The following ARL5B variants were observed in gnomAD, a reference collection of about 807,000 sequenced individuals.
ARL5B encodes the protein ADP-ribosylation factor-like protein 5B.
Under a neutral mutation model 26.9 loss-of-function variants are expected in ARL5B, and 10 were observed. The observed-to-expected ratio is 0.37, with a 90% CI of 0.23 to 0.63. The LOEUF is 0.63. Ranked by LOEUF, ARL5B falls within the 30% of genes least tolerant of loss-of-function variation. The probability of loss-of-function intolerance (pLI) is 0.62; values close to 1 mark genes in which losing one functional copy is unlikely to be tolerated. For synonymous variants in ARL5B, 87 were observed against 70.4 expected, an observed-to-expected ratio of 1.24 and a Z score of -1.18; for missense variants, 167 against 213.9, an observed-to-expected ratio of 0.78 and a Z score of 1.37.
rs758389880 is a variant in ARL5B, at chr10:18,674,010, C to T, written c.366C>T (p.Ile122=). The T allele has an allele frequency of 2.4e-5, 38 of 1,610,866 alleles. No individual in the cohort carries two copies. In the South Asian group the frequency reaches 4.1e-4, roughly 17 times the overall value. The change falls in exon 5 of 6, where the codon ATC becomes ATT. Residue 122 remains isoleucine, a synonymous_variant. Coordinates refer to ENST00000377275, the MANE Select transcript of ARL5B (RefSeq NM_178815.5). The part of the protein sequence containing the change: ...HEDLRKAAVL[I]FANKQDMKGC... ...ATTTACGGAAGGCTGCAGTCCTTAT[C>T]TTTGCAAATAAACAGGATATGAAAG...
rs1171691845 is a variant in ARL5B at position 18,670,340 on chromosome 10, G to A, written c.255+1663G>A. Reference sequence around the variant, plus strand: ...GAAAGTAAGGGAAGGGCCAGGCGCAGTGGCTCACTTCTGTAATCCCAGCAC... The same window carrying A: ...GAAAGTAAGGGAAGGGCCAGGCGCAATGGCTCACTTCTGTAATCCCAGCAC... On this transcript the variant is annotated intron_variant, in intron 3 of 5. Coordinates refer to ENST00000377275, the MANE Select transcript of ARL5B (RefSeq NM_178815.5). Among the ~76,000 whole-genome samples the A allele has an allele frequency of 2.0e-5, 3 of 152,202 alleles. No individual in the cohort carries two copies. The East Asian group carries it at 5.8e-4, about 29-fold the overall frequency.
intron 4 of ARL5B, 137 bp from the exon 5 acceptor site, chr10:18,673,847 G>A (rs1021256835): frequency 4.4e-5 from 26 of 596,320 alleles, no homozygotes; most frequent in African/African-American, 1.4e-4. Context: ...ATGAAATTAC[G>A]GGTATTTGAG....
chr10:18,666,934 C>A (rs917424507), intron 2 of ARL5B, among the ~76,000 whole-genome samples: 1 of 152,120 alleles, frequency 6.6e-6, no homozygotes, highest in Non-Finnish European at 1.5e-5. Context: ...TTAGTTCTTA[C>A]CCCACTTGGG....
At chr10:18,659,777 G>T in intron 1 of ARL5B, 94 bp downstream of exon 1, 1 of 1,559,650 alleles carries the variant, frequency 6.4e-7, no homozygotes, top group South Asian at 1.2e-5. Flanking sequence ...AGCGTTCGGA[G>T]ACGCGGAGGA....
At position 18,659,671 on chromosome 10, in the gene ARL5B, T is replaced by C; in HGVS notation, c.34T>C (p.Phe12Leu). The C allele has an allele frequency of 2.5e-6, 4 of 1,613,304 alleles. No homozygotes were observed. The highest frequency in any genetic ancestry group is 3.4e-6 in the Non-Finnish European group (4 of 1,179,710). Reference sequence around the variant, plus strand: ...GATCTTCGCCAAACTGTGGAGCCTCTTCTGTAACCAAGGTGAGAAGAATGG... The same window carrying C: ...GATCTTCGCCAAACTGTGGAGCCTCCTCTGTAACCAAGGTGAGAAGAATGG... ...GLIFAKLWSL[F>L]CNQEHKVIIV... Residue 12 changes from phenylalanine to leucine, a missense_variant, in exon 1 of 6, where the codon TTC becomes CTC. By Grantham distance (22) the Phe-to-Leu change is conservative. Transcript: ENST00000377275.
intron 1 of ARL5B, chr10:18,660,020 A>T: frequency 1.2e-6 from 1 of 867,720 alleles, no homozygotes; most frequent in Non-Finnish European, 1.4e-6. Context: ...GCTTGTGTCT[A>T]TGTGTATCCC....
In ARL5B at chr10:18,681,309, C is replaced by A. The variant is rs1410110448; in HGVS notation, c.*6093C>A. On this transcript the variant is annotated 3_prime_UTR_variant, in exon 6 of 6. Coordinates refer to ENST00000377275, the MANE Select transcript of ARL5B (RefSeq NM_178815.5). ...AATTAATGCATTCACATGATCACTTCTTGAAAATGGTTCAAAGCATGTTTT... is the reference window on the plus strand; with the variant it reads ...AATTAATGCATTCACATGATCACTTATTGAAAATGGTTCAAAGCATGTTTT... 2 of 152,204 alleles carry A rather than the reference C, an allele frequency of 1.3e-5. No homozygotes were observed. The highest frequency in any genetic ancestry group is 6.5e-5 in the Admixed American group (1 of 15,278). The allele number at this position is 152,204 out of a possible 1,614,324, so 9.4% of individuals were successfully genotyped here.
In ARL5B at chr10:18,676,809, T is replaced by G. The variant is rs557694096; in HGVS notation, c.*1593T>G. The G allele has an allele frequency of 6.6e-6, 1 of 152,086 alleles. No individual in the cohort carries two copies. The highest frequency in any genetic ancestry group is 2.4e-5 in the African/African-American group (1 of 41,560). 9.4% of individuals were successfully genotyped at this position (152,086 alleles called of 1,614,324 possible). ...GTTAATTTAGTCGAATGTGGTAACA[T>G]TTTTCTGATTTATCTTTAGTTGGAG... On this transcript the variant is annotated 3_prime_UTR_variant, in exon 6 of 6. Transcript: ENST00000377275.
intron 1 of ARL5B, among the ~76,000 whole-genome samples, chr10:18,663,705 C>T (rs559142598): frequency 2.0e-5 from 3 of 150,734 alleles, no homozygotes; most frequent in East Asian, 2.0e-4. Context: ...TCTGCCACCA[C>T]GCCCGGCTGA....
In ARL5B at chr10:18,675,367, A is replaced by G. The variant is rs1046208087; in HGVS notation, c.*151A>G. On this transcript the variant is annotated 3_prime_UTR_variant, in exon 6 of 6. Coordinates refer to ENST00000377275, the MANE Select transcript of ARL5B (RefSeq NM_178815.5). ...GAATCAAGTGCAGCTGAACTGGAAC[A>G]TAAAAGATTTTTTCTTAACTTTTTT... The G allele has an allele frequency of 1.9e-5, 13 of 671,086 alleles. No homozygotes were observed. Among genetic ancestry groups the G allele is most frequent in the Non-Finnish European group, 2.7e-5 (11 of 400,476 alleles). The allele number at this position is 671,086 out of a possible 1,614,324, so 41.6% of individuals were successfully genotyped here.
intron 4 of ARL5B, 117 bp from the exon 5 acceptor site, chr10:18,673,867 A>T: frequency 2.5e-6 from 2 of 799,892 alleles, no homozygotes; most frequent in South Asian, 4.7e-5. Context: ...GATTATTTTT[A>T]TGTTAAATAC....
At chr10:18,664,587 G>A (rs1321041589) in intron 1 of ARL5B, among the ~76,000 whole-genome samples, 7 of 151,496 alleles carry the variant, frequency 4.6e-5, no homozygotes, top group Admixed American at 3.9e-4. Flanking sequence ...ACAGGCACCC[G>A]CCACCATGCC....
At chr10:18,659,757 C>T (rs2059818944) in intron 1 of ARL5B, 74 bp downstream of exon 1, 2 of 1,583,256 alleles carry the variant, frequency 1.3e-6, no homozygotes, top group African/African-American at 1.4e-5. Flanking sequence ...ACACCGGAGA[C>T]AGGGGACAGA....
At chr10:18,660,032 A>G (rs541002800) in intron 1 of ARL5B, 38 of 836,524 alleles carry the variant, frequency 4.5e-5, no homozygotes, top group Non-Finnish European at 5.2e-5. Flanking sequence ...GTGTATCCCC[A>G]GGATAAGTGT....
At chr10:18,672,896 A>G (rs966587822) in intron 4 of ARL5B, among the ~76,000 whole-genome samples, 191 bp downstream of exon 4, 5 of 152,162 alleles carry the variant, frequency 3.3e-5, no homozygotes, top group African/African-American at 1.2e-4. Flanking sequence ...AAAAACCCTA[A>G]CACATTAATT....
Position 18,677,628 on chromosome 10 carries a change from ACTAGAGCATTGGTT to A in ARL5B, c.*2415_*2428del, listed in dbSNP as rs2131651975. On this transcript the variant is annotated 3_prime_UTR_variant, in exon 6 of 6. Transcript: ENST00000377275. ...GTTTTAACCCAAGCAAGTATCTAAT[ACTAGAGCATTGGTT>A]CTGACATTCATTGTAAATCAGTGAA... 6.6e-6 allele frequency: 1 copy of A among 152,480 alleles called. No homozygotes were observed. Among genetic ancestry groups the A allele is most frequent in the African/African-American group, 2.4e-5 (1 of 41,560 alleles). The allele number at this position is 152,480 out of a possible 1,614,324, so 9.4% of individuals were successfully genotyped here.
intron 1 of ARL5B, among the ~76,000 whole-genome samples, chr10:18,665,922 A>G (rs924054740): frequency 3.9e-5 from 6 of 152,250 alleles, no homozygotes; most frequent in Non-Finnish European, 8.8e-5. Flanking sequence ...TATTTAGTGC[A>G]TGGCACCCAA....
chr10:18,667,147 C>G (rs899806353), intron 2 of ARL5B, among the ~76,000 whole-genome samples: 1 of 152,190 alleles, frequency 6.6e-6, no homozygotes, highest in Non-Finnish European at 1.5e-5. Context: ...GCTCATCATT[C>G]CACTTGTCAG....
chr10:18,661,435 C>T (rs1031118186), intron 1 of ARL5B, among the ~76,000 whole-genome samples: 4 of 152,242 alleles, frequency 2.6e-5, no homozygotes, highest in Admixed American at 1.3e-4. Context: ...CATAATTGTT[C>T]AGGCCTCCTG....
Sources: allele counts gnomAD v4.1 joint callset (sites outside exome capture counted in the v4.1 genomes callset), GRCh38; gene constraint gnomAD v4.1.1; transcripts MANE v1.5; gene names NCBI Gene and HGNC (gene_info 2026-07-23, HGNC 2026-07-21).